The following CDH13 variants were observed in gnomAD, a reference collection of about 807,000 sequenced individuals.
CDH13 encodes the protein cadherin-13.
CDH13 carries 24 observed loss-of-function variants against 63.8 expected under a neutral mutation model. The ratio of observed to expected loss-of-function variants is 0.38; its 90% CI spans 0.27 to 0.53. CDH13 has a LOEUF of 0.53. Among genes scored for constraint, CDH13 ranks in the 20% least tolerant of loss-of-function variants. CDH13 has a pLI of 0.85. For missense variants in CDH13, 1,049 were observed against 903.1 expected (o/e 1.16, Z -2.07); for synonymous variants, 503 against 355.3 (o/e 1.42, Z -4.67).
intron 2 of CDH13, among the ~76,000 whole-genome samples, chr16:83,006,298 C>G (rs758355619): frequency 1.1e-4 from 16 of 152,304 alleles, no homozygotes; most frequent in African/African-American, 3.8e-4. Flanking sequence ...ACAACCTTTC[C>G]TTAATACAGA....
At chr16:83,494,186 T>G (rs1484126837) in intron 7 of CDH13, among the ~76,000 whole-genome samples, 1 of 152,208 alleles carries the variant, frequency 6.6e-6, no homozygotes. Flanking sequence ...TGCAGAGTGA[T>G]GATGAATTTA....
chr16:83,146,947 G>T (rs906470686), intron 4 of CDH13, among the ~76,000 whole-genome samples: 2 of 152,054 alleles, frequency 1.3e-5, no homozygotes, highest in Non-Finnish European at 2.9e-5. Context: ...AATTAGCCTG[G>T]TGTGGTGGCA....
At chr16:83,228,126 T>C (rs1400656934) in intron 5 of CDH13, among the ~76,000 whole-genome samples, 3 of 152,140 alleles carry the variant, frequency 2.0e-5, no homozygotes, top group Non-Finnish European at 4.4e-5. Context: ...GTGCTGTCCT[T>C]ATCTCTCATG....
At chr16:82,990,716 A>G (rs1301345037) in intron 2 of CDH13, among the ~76,000 whole-genome samples, 1 of 151,454 alleles carries the variant, frequency 6.6e-6, no homozygotes, top group Non-Finnish European at 1.5e-5. Context: ...CCAGCTATTT[A>G]TTTATTTATT....
At chr16:83,015,332 G>T (rs1223163421) in intron 2 of CDH13, among the ~76,000 whole-genome samples, 1 of 151,120 alleles carries the variant, frequency 6.6e-6, no homozygotes, top group Non-Finnish European at 1.5e-5. Context: ...ATTCTAAAGG[G>T]CGCTGCAATT....
chr16:83,510,604 G>A (rs899217596), intron 7 of CDH13, among the ~76,000 whole-genome samples: 1 of 152,142 alleles, frequency 6.6e-6, no homozygotes, highest in Admixed American at 6.5e-5. Flanking sequence ...ATCCTACCTG[G>A]AATCTACCCC....
chr16:82,804,936 T>C (rs1174881452), intron 1 of CDH13, among the ~76,000 whole-genome samples: 3 of 152,254 alleles, frequency 2.0e-5, no homozygotes, highest in Admixed American at 2.0e-4. Context: ...TTCATCCCTA[T>C]TTTAAGCAGA....
In CDH13 at chr16:82,761,017, CTTTTTTTTTTTTTTT is replaced by C. The variant is rs35038319; in HGVS notation, c.46-97330_46-97316del. Among the ~76,000 whole-genome samples the C allele has an allele frequency of 7.7e-4, 31 of 40,490 alleles. 1 individual carries two copies. Among genetic ancestry groups the C allele is most frequent in the Non-Finnish European group, 8.7e-4 (19 of 21,898 alleles). 26.6% of individuals were successfully genotyped at this position (40,490 alleles called of 152,430 possible). A position where few individuals can be genotyped will look rare whatever the true frequency, so the allele number is the denominator to read the frequency against. ...CTCTGGGGTTCACATTTCTTTCTTT[CTTTTTTTTTTTTTTT>C]TTTTTTTTTTTTTTGGAGTCTCACT... On this transcript the variant is annotated intron_variant, in intron 1 of 13. Transcript: ENST00000567109.
intron 4 of CDH13, among the ~76,000 whole-genome samples, chr16:83,158,893 C>T (rs559811070): frequency 6.7e-4 from 102 of 152,326 alleles, no homozygotes; most frequent in South Asian, 3.5e-3. Flanking sequence ...TCGCAGCAGC[C>T]TTCTTTCTTT....
At chr16:83,016,488 A>G (rs892839992) in intron 2 of CDH13, among the ~76,000 whole-genome samples, 3 of 152,320 alleles carry the variant, frequency 2.0e-5, no homozygotes, top group Non-Finnish European at 2.9e-5. Flanking sequence ...GCCCTCAAGG[A>G]TCTTCCAGAT....
intron 7 of CDH13, among the ~76,000 whole-genome samples, chr16:83,570,614 C>T (rs1300463300): frequency 6.6e-6 from 1 of 151,216 alleles, no homozygotes; most frequent in African/African-American, 2.4e-5. Flanking sequence ...GGCTGGGGAG[C>T]TCAACAGCAG....
At chr16:83,105,367 C>T (rs1385313209) in intron 3 of CDH13, among the ~76,000 whole-genome samples, 3 of 152,204 alleles carry the variant, frequency 2.0e-5, no homozygotes, top group Non-Finnish European at 4.4e-5. Flanking sequence ...CCCATGGAAC[C>T]ACCACATGTG....
At chr16:83,417,034 A>G (rs1439557991) in intron 6 of CDH13, among the ~76,000 whole-genome samples, 1 of 152,206 alleles carries the variant, frequency 6.6e-6, no homozygotes, top group African/African-American at 2.4e-5. Context: ...AATATTGTCC[A>G]AGTGCTTTAC....
Position 82,940,546 on chromosome 16 carries a change from A to G in CDH13, c.157+82073A>G, listed in dbSNP as rs938624546. ...TCTTTTTTACTTCCAGATTTGGTTC[A>G]GGTAAAGTTGGCAAAGCAAGGAGAG... is the stretch of plus-strand genomic sequence containing the variant. On this transcript the variant is annotated intron_variant, in intron 2 of 13. Transcript: ENST00000567109. Among the ~76,000 whole-genome samples, 17 of 152,168 alleles carry G rather than the reference A, an allele frequency of 1.1e-4. 1 individual carries two copies. The highest frequency in any genetic ancestry group is 1.1e-3 in the Admixed American group (17 of 15,272).
intron 3 of CDH13, among the ~76,000 whole-genome samples, chr16:83,094,805 G>A (rs373971193): frequency 2.0e-5 from 3 of 152,274 alleles, no homozygotes; most frequent in South Asian, 2.1e-4. Context: ...CAAGGCGTGG[G>A]CATACGCAAT....
chr16:82,745,214 G>C (rs1480972326), intron 1 of CDH13, among the ~76,000 whole-genome samples: 1 of 152,150 alleles, frequency 6.6e-6, no homozygotes. Flanking sequence ...TGCGTGGGGC[G>C]ATGCCATTCC....
intron 4 of CDH13, among the ~76,000 whole-genome samples, chr16:83,152,900 C>T (rs370692810): frequency 3.9e-5 from 6 of 152,194 alleles, no homozygotes; most frequent in East Asian, 1.9e-4. Flanking sequence ...GACATAGACA[C>T]GCCCACAAAG....
chr16:83,313,643 T>TAAAA (rs59109363), intron 5 of CDH13, among the ~76,000 whole-genome samples: 18 of 89,912 alleles, frequency 2.0e-4, no homozygotes, highest in Non-Finnish European at 3.1e-4. Flanking sequence ...CTTACCATTG[T>TAAAA]AAAAAAAAAA....
intron 8 of CDH13, among the ~76,000 whole-genome samples, chr16:83,668,527 A>G (rs1287053595): frequency 6.6e-6 from 1 of 152,202 alleles, no homozygotes; most frequent in Non-Finnish European, 1.5e-5. Context: ...TTTCTAAGGT[A>G]CAGGTGTCAG....
Sources: gnomAD v4.1 joint callset for allele counts (sites outside exome capture counted in the v4.1 genomes callset) on GRCh38, gnomAD v4.1.1 for gene constraint, MANE v1.5 for transcripts, NCBI Gene and HGNC (gene_info 2026-07-23, HGNC 2026-07-21) for gene names.